STN1: variants seen among roughly 807,000 people sequenced by gnomAD.
STN1 encodes the protein STN1 subunit of CST complex.
A neutral mutation model predicts 45.5 loss-of-function variants in STN1; 29 were observed. The observed-to-expected ratio is 0.64, with a 90% CI of 0.47 to 0.87. The LOEUF is 0.87. STN1 is among the 40% of genes least tolerant of loss of function. The probability of loss-of-function intolerance (pLI) is 0.00; values close to 1 mark genes in which losing one functional copy is unlikely to be tolerated. For missense variants in STN1, 376 were observed against 441.4 expected (o/e 0.85, Z 1.33); for synonymous variants, 148 against 159.0 (o/e 0.93, Z 0.52).
Position 103,905,159 on chromosome 10 carries a change from G to A in STN1, c.230-3C>T, listed in dbSNP as rs1843232804. 1 of 1,613,666 alleles carries A rather than the reference G, an allele frequency of 6.2e-7. No homozygotes were observed. ...TATAACTCCAGTGCTGTCATCCACT[G>A]CAAGAGAAAAGCAAAAGGGTATAAG... is the stretch of plus-strand genomic sequence containing the variant. On this transcript the variant is annotated splice_polypyrimidine_tract_variant and splice_region_variant and intron_variant, in intron 3 of 9. Coordinates refer to ENST00000224950, the MANE Select transcript of STN1 (RefSeq NM_024928.5).
At chr10:103,907,781 C>T (rs1326413017) in intron 3 of STN1, among the ~76,000 whole-genome samples, 1 of 151,730 alleles carries the variant, frequency 6.6e-6, no homozygotes, top group African/African-American at 2.4e-5. Context: ...CCAGGCACAC[C>T]ACTTCTCTGT....
intron 3 of STN1, 103 bp downstream of exon 3, chr10:103,910,424 G>T: frequency 1.4e-6 from 1 of 689,860 alleles, no homozygotes; most frequent in Non-Finnish European, 2.6e-6. Context: ...CCTTAGTGAG[G>T]GTCCCCAGCT....
chr10:103,900,275 T>G, intron 4 of STN1, 52 bp from the exon 5 acceptor site: 7 of 1,568,874 alleles, frequency 4.5e-6, no homozygotes, highest in Non-Finnish European at 6.1e-6. Context: ...ACACAATCAC[T>G]CTACCACATC....
At chr10:103,902,461 C>T (rs926215747) in intron 4 of STN1, among the ~76,000 whole-genome samples, 3 of 152,128 alleles carry the variant, frequency 2.0e-5, no homozygotes, top group African/African-American at 7.2e-5. Flanking sequence ...AAAGGGTGAG[C>T]CAAGTTGCCA....
intron 6 of STN1, 29 bp from the exon 7 acceptor site, chr10:103,897,748 G>A (rs761366351): frequency 3.1e-6 from 5 of 1,606,656 alleles, no homozygotes; most frequent in Non-Finnish European, 3.4e-6. Context: ...AAAGAGCTCT[G>A]CAGAAAACCA....
At chr10:103,914,721 TACC>T (rs1259782042) in intron 2 of STN1, among the ~76,000 whole-genome samples, 2 of 152,018 alleles carry the variant, frequency 1.3e-5, no homozygotes, top group African/African-American at 2.4e-5. Flanking sequence ...CAAATCTAAA[TACC>T]ACCACAATCA....
chr10:103,881,642 A>T lies in STN1; in HGVS notation c.*1042T>A, dbSNP rs1159416499. On this transcript the variant is annotated 3_prime_UTR_variant, in exon 10 of 10. Transcript: ENST00000224950. ...AAGGATCTCCAGCTGAGCCACGAAG[A>T]GCTTATCACATCAAGAGCAAATGCA... Among the ~76,000 whole-genome samples the T allele has an allele frequency of 2.0e-5, 3 of 152,200 alleles. No individual in the cohort carries two copies. Among genetic ancestry groups the T allele is most frequent in the Non-Finnish European group, 4.4e-5 (3 of 68,038 alleles).
intron 9 of STN1, among the ~76,000 whole-genome samples, chr10:103,888,508 C>T (rs1417041102): frequency 6.6e-6 from 1 of 152,174 alleles, no homozygotes; most frequent in Admixed American, 6.5e-5. Flanking sequence ...ACTAACTCTA[C>T]CAAAACTATT....
intron 2 of STN1, among the ~76,000 whole-genome samples, chr10:103,914,940 C>A (rs1172102872): frequency 6.6e-6 from 1 of 152,200 alleles, no homozygotes; most frequent in Non-Finnish European, 1.5e-5. Context: ...AACTGCACTT[C>A]TGACCAACTG....
chr10:103,914,360 A>ATTTTTT (rs1564636131), intron 2 of STN1, among the ~76,000 whole-genome samples: 2 of 10,458 alleles, frequency 1.9e-4, no homozygotes, highest in Admixed American at 1.4e-3. Context: ...ATATATATAT[A>ATTTTTT]TATATATATA....
Position 103,889,072 on chromosome 10 carries a change from G to T in STN1, c.949C>A (p.His317Asn), listed in dbSNP as rs1206780644. The T allele has an allele frequency of 1.2e-6, 2 of 1,608,678 alleles. No individual in the cohort carries two copies. Among genetic ancestry groups the T allele is most frequent in the Non-Finnish European group, 8.5e-7 (1 of 1,175,250 alleles). Residue 317 changes from histidine to asparagine, a missense_variant and splice_region_variant, in exon 9 of 10, where the codon CAC becomes AAC. His to Asn is a moderately conservative substitution (Grantham distance 68). Transcript: ENST00000224950. Reference sequence around the variant, plus strand: ...ATCACTTGTACATTATACCACTTACGATTTGGTTTCTGGCAGTCCTGCTGA... The same window carrying T: ...ATCACTTGTACATTATACCACTTACTATTTGGTTTCTGGCAGTCCTGCTGA... ...IIQQDCQKPN[H>N]MEKGCHFLHI...
intron 2 of STN1, among the ~76,000 whole-genome samples, chr10:103,914,355 TATATATATATATA>T (rs1277523214): frequency 0.13 from 4,359 of 33,072 alleles, 328 homozygotes; most frequent in East Asian, 0.31. Flanking sequence ...TATATATATA[TATATATATATATA>T]TATATATTTT....
chr10:103,916,354 T>C (rs1026680064), intron 2 of STN1, among the ~76,000 whole-genome samples: 9 of 152,324 alleles, frequency 5.9e-5, no homozygotes, highest in Admixed American at 5.2e-4. Context: ...AGATGAGCTA[T>C]GAAGAAAACC....
At chr10:103,909,026 G>A (rs1018239970) in intron 3 of STN1, among the ~76,000 whole-genome samples, 15 of 151,978 alleles carry the variant, frequency 9.9e-5, no homozygotes, top group Admixed American at 8.5e-4. Flanking sequence ...GGAATCTTGA[G>A]TAAGTTACTA....
chr10:103,905,431 C>G (rs1300280556), intron 3 of STN1, among the ~76,000 whole-genome samples: 2 of 152,210 alleles, frequency 1.3e-5, no homozygotes, highest in Non-Finnish European at 1.5e-5. Flanking sequence ...TTAGTACCCT[C>G]AAGGGTACCC....
At position 103,882,368 on chromosome 10, in the gene STN1, T is replaced by A. The variant is rs1417471235; in HGVS notation, c.*316A>T. Among the ~76,000 whole-genome samples the A allele has an allele frequency of 6.6e-6, 1 of 152,128 alleles. No individual in the cohort carries two copies. The highest frequency in any genetic ancestry group is 1.5e-5 in the Non-Finnish European group (1 of 68,030). ...ATGGAAGAGACTCCAACCACACACA[T>A]CAGTTAAGCTGCCAACACTGTTTCC... On this transcript the variant is annotated 3_prime_UTR_variant, in exon 10 of 10. Transcript: ENST00000224950.
chr10:103,887,033 T>A (rs982590460), intron 9 of STN1, among the ~76,000 whole-genome samples: 5 of 152,202 alleles, frequency 3.3e-5, no homozygotes, highest in African/African-American at 1.2e-4. Flanking sequence ...GAGACACTCA[T>A]AAATGACTTC....
Position 103,899,321 on chromosome 10 carries a change from C to T in STN1, c.458-321G>A, listed in dbSNP as rs75218347. ...ATTTCCAACTGAAAACCAGCCAGCA[C>T]GTGCAAAGGGAAGATGATGGGGAAC... is the stretch of plus-strand genomic sequence containing the variant. On this transcript the variant is annotated intron_variant, in intron 5 of 9. Coordinates refer to ENST00000224950, the MANE Select transcript of STN1 (RefSeq NM_024928.5). 7.6e-3 allele frequency among the ~76,000 whole-genome samples: 1,157 copies of T among 152,300 alleles called. 16 individuals are homozygous for T. The highest frequency in any genetic ancestry group is 0.026 in the African/African-American group (1,091 of 41,568).
Position 103,882,492 on chromosome 10 carries a change from C to T in STN1, c.*192G>A. 1 of 548,682 alleles carries T rather than the reference C, an allele frequency of 1.8e-6. No homozygotes were observed. The highest frequency in any genetic ancestry group is 3.1e-5 in the East Asian group (1 of 32,016). The allele number at this position is 548,682 out of a possible 1,614,324, so 34.0% of individuals were successfully genotyped here. A position where few individuals can be genotyped will look rare whatever the true frequency, so the allele number is the denominator to read the frequency against. On this transcript the variant is annotated 3_prime_UTR_variant, in exon 10 of 10. Coordinates refer to ENST00000224950, the MANE Select transcript of STN1 (RefSeq NM_024928.5). ...GGCTGAGATCAAAGTCATTGTACAC[C>T]AAGGACATAGTGGACAGAAGGGAGC...
Sources: gnomAD v4.1 joint callset for allele counts (sites outside exome capture counted in the v4.1 genomes callset) on GRCh38, gnomAD v4.1.1 for gene constraint, MANE v1.5 for transcripts, NCBI Gene and HGNC (gene_info 2026-07-23, HGNC 2026-07-21) for gene names.